Variants in CFAP77 observed in about 807,000 individuals in gnomAD.
The protein encoded by CFAP77 is cilia- and flagella-associated protein 77.
A neutral mutation model predicts 31.1 loss-of-function variants in CFAP77; 25 were observed. That is an observed-to-expected ratio of 0.80 (90% CI 0.59 to 1.12). The LOEUF is 1.12. Among genes scored for constraint, CFAP77 ranks in the 50% most tolerant of loss-of-function variants. CFAP77 has a pLI of 0.00. For missense variants in CFAP77, 377 were observed against 397.3 expected (o/e 0.95, Z 0.44); for synonymous variants, 151 against 159.9 (o/e 0.94, Z 0.42).
chr9:132,523,216 T>C (rs1391523247), intron 3 of CFAP77, among the ~76,000 whole-genome samples: 2 of 151,986 alleles, frequency 1.3e-5, no homozygotes, highest in African/African-American at 2.4e-5. Context: ...GCCTCCTGAA[T>C]AGCTGGGATT....
chr9:132,523,110 C>T (rs1266134782), intron 3 of CFAP77, among the ~76,000 whole-genome samples: 1 of 144,840 alleles, frequency 6.9e-6, no homozygotes, highest in Non-Finnish European at 1.5e-5. Flanking sequence ...TTTTTTGAGA[C>T]AGGGTTTCAC....
At chr9:132,460,228 C>A (rs1851026715) in intron 1 of CFAP77, among the ~76,000 whole-genome samples, 1 of 152,174 alleles carries the variant, frequency 6.6e-6, no homozygotes, top group Non-Finnish European at 1.5e-5. Context: ...GTTCAGCGGT[C>A]AGACTGCCTG....
chr9:132,491,223 T>A (rs1242137154), intron 1 of CFAP77, among the ~76,000 whole-genome samples: 1 of 152,124 alleles, frequency 6.6e-6, no homozygotes, highest in Non-Finnish European at 1.5e-5. Context: ...ATCCCAGCAT[T>A]TTGGGAGGCC....
chr9:132,564,369 CA>C lies in CFAP77; in HGVS notation c.733-8015del, dbSNP rs1197485533. 6.6e-6 allele frequency among the ~76,000 whole-genome samples: 1 copy of C among 152,080 alleles called. No individual in the cohort carries two copies. Among genetic ancestry groups the C allele is most frequent in the Non-Finnish European group, 1.5e-5 (1 of 68,012 alleles). On this transcript the variant is annotated intron_variant, in intron 5 of 5. Transcript: ENST00000393216. This position sits in a 1 kb window ranked among gnomAD's most constrained non-coding sequence, Gnocchi z 4.6. ...TACAAAGCAAAACCTCAATAAATAC[CA>C]AAAGGTCTGACTTGTGAGGATTACT...
At chr9:132,561,085 G>A (rs1414016198) in intron 5 of CFAP77, among the ~76,000 whole-genome samples, 1 of 152,084 alleles carries the variant, frequency 6.6e-6, no homozygotes, top group Non-Finnish European at 1.5e-5. Flanking sequence ...CAGAGCTGAG[G>A]ACCCAGCCTG....
At chr9:132,458,345 G>C (rs952308884) in intron 1 of CFAP77, among the ~76,000 whole-genome samples, 1 of 137,802 alleles carries the variant, frequency 7.3e-6, no homozygotes, top group Admixed American at 7.2e-5. Context: ...TCCCTGGCGG[G>C]GGAGGGGGGG....
chr9:132,567,157 C>G (rs913244160), intron 5 of CFAP77, among the ~76,000 whole-genome samples: 9 of 152,288 alleles, frequency 5.9e-5, no homozygotes, highest in African/African-American at 2.2e-4. Context: ...GACATGCGCT[C>G]TGCCTCTCCC....
At chr9:132,468,290 G>A (rs1017259225) in intron 1 of CFAP77, among the ~76,000 whole-genome samples, 3 of 152,152 alleles carry the variant, frequency 2.0e-5, no homozygotes, top group East Asian at 1.9e-4. Context: ...AGGCTGCAGC[G>A]AGCCGAGGTT....
rs1301063694 is a variant in CFAP77 at position 132,432,555 on chromosome 9, T to C, written c.195+22089T>C. Among the ~76,000 whole-genome samples the C allele has an allele frequency of 3.3e-5, 5 of 149,880 alleles. No homozygotes were observed. The East Asian group carries it at 7.8e-4, about 24-fold the overall frequency. On this transcript the variant is annotated intron_variant, in intron 1 of 5. Coordinates refer to ENST00000393216, the MANE Select transcript of CFAP77 (RefSeq NM_001282957.2). ...TTCCTTTTTTTTTTTTTTTTTAAGATGGAGCTTGCTTTGTCGCCCAGGCTG... is the reference window on the plus strand; with the variant it reads ...TTCCTTTTTTTTTTTTTTTTTAAGACGGAGCTTGCTTTGTCGCCCAGGCTG...
intron 1 of CFAP77, among the ~76,000 whole-genome samples, chr9:132,461,286 G>T (rs1483473088): frequency 6.6e-6 from 1 of 152,224 alleles, no homozygotes; most frequent in East Asian, 1.9e-4. Flanking sequence ...CAAAACCCAC[G>T]CATTGGACGA....
At chr9:132,532,437 G>A (rs1300903155) in intron 3 of CFAP77, among the ~76,000 whole-genome samples, 1 of 152,248 alleles carries the variant, frequency 6.6e-6, no homozygotes, top group African/African-American at 2.4e-5. Flanking sequence ...CTTTTACTCA[G>A]CGCCGGCCAA....
intron 1 of CFAP77, among the ~76,000 whole-genome samples, chr9:132,417,348 C>T (rs755690120): frequency 1.3e-5 from 2 of 152,060 alleles, no homozygotes; most frequent in African/African-American, 2.4e-5. Context: ...CCCCTGACCT[C>T]GTGATCCGCC....
intron 3 of CFAP77, among the ~76,000 whole-genome samples, chr9:132,513,911 G>A (rs1428086703): frequency 1.5e-5 from 2 of 131,502 alleles, no homozygotes; most frequent in East Asian, 2.6e-4. Context: ...ACGGGTGACT[G>A]TGAGGAGATG....
chr9:132,557,007 T>C (rs1765253666), intron 5 of CFAP77, among the ~76,000 whole-genome samples: 2 of 152,244 alleles, frequency 1.3e-5, no homozygotes, highest in Non-Finnish European at 2.9e-5. Context: ...TAAATTCTTT[T>C]CTTGTTTGAC....
chr9:132,541,542 G>C (rs1240141719), intron 4 of CFAP77, among the ~76,000 whole-genome samples: 1 of 152,134 alleles, frequency 6.6e-6, no homozygotes, highest in Non-Finnish European at 1.5e-5. Context: ...TGGCCAACAC[G>C]GCAAAACCCT....
In CFAP77 at chr9:132,490,132, AG is replaced by A. The variant is rs982321319; in HGVS notation, c.196-8559del. On this transcript the variant is annotated intron_variant, in intron 1 of 5. Coordinates refer to ENST00000393216, the MANE Select transcript of CFAP77 (RefSeq NM_001282957.2). The surrounding 1 kb of genome is among the most constrained non-coding windows in gnomAD (Gnocchi z 4.6). ...TATCCTCGCATGACAGACGGACAGAAGGGGATAAAAAGGGCGAACTCCCTCC... is the reference window on the plus strand; with the variant it reads ...TATCCTCGCATGACAGACGGACAGAAGGGATAAAAAGGGCGAACTCCCTCC... Among the ~76,000 whole-genome samples the A allele has an allele frequency of 6.6e-6, 1 of 152,056 alleles. No individual in the cohort carries two copies. The highest frequency in any genetic ancestry group is 2.4e-5 in the African/African-American group (1 of 41,370).
chr9:132,537,325 A>G (rs1852559924), intron 3 of CFAP77, among the ~76,000 whole-genome samples: 1 of 152,170 alleles, frequency 6.6e-6, no homozygotes, highest in Non-Finnish European at 1.5e-5. Flanking sequence ...GGAAGGGCCC[A>G]GGGATGAGTC....
At chr9:132,529,408 A>G (rs1461431170) in intron 3 of CFAP77, among the ~76,000 whole-genome samples, 2 of 139,964 alleles carry the variant, frequency 1.4e-5, no homozygotes, top group Admixed American at 7.0e-5. Flanking sequence ...CCTAATGCTA[A>G]ATGACACGTT....
chr9:132,550,125 G>A (rs936806402), intron 5 of CFAP77, among the ~76,000 whole-genome samples: 1 of 152,196 alleles, frequency 6.6e-6, no homozygotes, highest in East Asian at 1.9e-4. Flanking sequence ...AGGGATGACC[G>A]AAGCTGACAC....
Sources: gnomAD v4.1 joint callset for allele counts (sites outside exome capture counted in the v4.1 genomes callset) on GRCh38, gnomAD v4.1.1 for gene constraint, Gnocchi (gnomAD v3.1) non-coding constraint, MANE v1.5 for transcripts, NCBI Gene and HGNC (gene_info 2026-07-23, HGNC 2026-07-21) for gene names.